NFU1: variants seen among roughly 807,000 people sequenced by gnomAD.
The protein encoded by NFU1 is NFU1 iron-sulfur cluster scaffold.
NFU1 carries 30 observed loss-of-function variants against 32.2 expected under a neutral mutation model. That is an observed-to-expected ratio of 0.93 (90% CI 0.70 to 1.26). The LOEUF is 1.26. Ranked by LOEUF, NFU1 falls within the 50% of genes most tolerant of loss-of-function variation. NFU1 has a pLI of 0.00. For missense variants in NFU1, 306 were observed against 306.6 expected, an observed-to-expected ratio of 1.00 and a Z score of 0.02; for synonymous variants, 112 against 104.6, an observed-to-expected ratio of 1.07 and a Z score of -0.43.
chr2:69,438,782 G>C (rs1459323510), upstream of NFU1, among the ~76,000 whole-genome samples: 1 of 151,994 alleles, frequency 6.6e-6, no homozygotes, highest in African/African-American at 2.4e-5. Flanking sequence ...CCCGCACACT[G>C]AGTGGGCTGT....
Position 69,432,312 on chromosome 2 carries a change from C to T in NFU1, c.63-307G>A, listed in dbSNP as rs192994184. On this transcript the variant is annotated intron_variant, in intron 1 of 7. Transcript: ENST00000410022. ...GAATTGGGCTGGGTGAGGTGGCTCA[C>T]GCCTGTAATCCCAGCATTTTGGGAG... 4.6e-5 allele frequency among the ~76,000 whole-genome samples: 7 copies of T among 152,260 alleles called. No homozygotes were observed. The East Asian group carries it at 5.8e-4, about 13-fold the overall frequency.
chr2:69,418,295 G>T (rs911185718), intron 4 of NFU1, among the ~76,000 whole-genome samples: 1 of 152,152 alleles, frequency 6.6e-6, no homozygotes, highest in Non-Finnish European at 1.5e-5. Flanking sequence ...AGCTACTAGG[G>T]AGGCTGAGGT....
At chr2:69,414,712 A>G (rs1672997325) in intron 5 of NFU1, among the ~76,000 whole-genome samples, 1 of 152,036 alleles carries the variant, frequency 6.6e-6, no homozygotes, top group Admixed American at 6.6e-5. Flanking sequence ...TGTATAGTAT[A>G]AAACAAAACA....
intron 7 of NFU1, among the ~76,000 whole-genome samples, chr2:69,399,934 G>A (rs1476649149): frequency 6.6e-6 from 1 of 151,366 alleles, no homozygotes; most frequent in African/African-American, 2.4e-5. Flanking sequence ...GTGCAATGGC[G>A]CGATCTCGGC....
At chr2:69,396,062 C>A, downstream of NFU1, 3 of 545,512 alleles carry the variant, frequency 5.5e-6, no homozygotes, top group Non-Finnish European at 9.6e-6. Context: ...TCCACGTGTA[C>A]AGAAGATGAT....
At chr2:69,424,152 C>T (rs1401285237) in intron 2 of NFU1, among the ~76,000 whole-genome samples, 7 of 92,812 alleles carry the variant, frequency 7.5e-5, no homozygotes, top group Admixed American at 1.9e-4. Flanking sequence ...AGCCTGGTGA[C>T]AAAGTGAGAC....
chr2:69,438,053 C>CTATT (rs1673918509), upstream of NFU1, among the ~76,000 whole-genome samples: 1 of 152,162 alleles, frequency 6.6e-6, no homozygotes, highest in South Asian at 2.1e-4. Flanking sequence ...AGCCCATTAC[C>CTATT]TATTCTTCCA....
intron 6 of NFU1, among the ~76,000 whole-genome samples, chr2:69,402,623 C>T (rs1436966831): frequency 6.6e-6 from 1 of 151,948 alleles, no homozygotes; most frequent in Non-Finnish European, 1.5e-5. Context: ...CTCTTGTTGC[C>T]CAGGCTGGAG....
chr2:69,433,562 A>G (rs1673723431), intron 1 of NFU1, among the ~76,000 whole-genome samples: 2 of 150,476 alleles, frequency 1.3e-5, no homozygotes, highest in African/African-American at 2.5e-5. Context: ...TGCAACCTCC[A>G]CCTCCTGGGT....
At chr2:69,418,716 A>G (rs111794927) in intron 4 of NFU1, among the ~76,000 whole-genome samples, 32,196 of 151,436 alleles carry the variant, frequency 0.21, 4,019 homozygotes, top group African/African-American at 0.34. Context: ...TGATCTGCCC[A>G]CCTCGGCCTC....
At chr2:69,404,482 CTG>C (rs1208845922) in intron 6 of NFU1, among the ~76,000 whole-genome samples, 1 of 150,738 alleles carries the variant, frequency 6.6e-6, no homozygotes, top group Admixed American at 6.6e-5. Context: ...GAGCAAGACT[CTG>C]TCTCAAAAAA....
At chr2:69,412,328 T>C (rs750119686) in intron 5 of NFU1, among the ~76,000 whole-genome samples, 35 of 151,354 alleles carry the variant, frequency 2.3e-4, no homozygotes, top group Non-Finnish European at 4.3e-4. Flanking sequence ...GGATTACAGG[T>C]GTGAGCCACT....
At chr2:69,438,580 TC>T (rs1320142291), upstream of NFU1, among the ~76,000 whole-genome samples, 1 of 152,110 alleles carries the variant, frequency 6.6e-6, no homozygotes, top group Non-Finnish European at 1.5e-5. Flanking sequence ...AACAAACCCT[TC>T]CCAGGATTCT....
chr2:69,423,321 T>C (rs948728323), intron 3 of NFU1, among the ~76,000 whole-genome samples: 3 of 150,950 alleles, frequency 2.0e-5, no homozygotes, highest in African/African-American at 7.3e-5. Flanking sequence ...AGTCTCTCTA[T>C]GTTGCCCAGG....
chr2:69,400,373 G>A lies in NFU1; in HGVS notation c.711C>T (p.Gly237=), dbSNP rs370305186. 1.5e-5 allele frequency: 24 copies of A among 1,613,464 alleles called. No individual in the cohort carries two copies. The African/African-American group carries it at 1.7e-4, about 12-fold the overall frequency. The change falls in exon 7 of 8, where the codon GGC becomes GGT. Residue 237 remains glycine (G), a synonymous_variant. Transcript: ENST00000410022. ...TATAATATTGGCATACCTGTTCTAC[G>A]CCTTCTACCTCCGGAATATAAAACT... ...MLQFYIPEVE[G]VEQVMDDESD...
Position 69,423,611 on chromosome 2 carries a change from T to A in NFU1, c.273A>T (p.Pro91=). The A allele has an allele frequency of 6.2e-7, 1 of 1,613,698 alleles. No individual in the cohort carries two copies. Among genetic ancestry groups the A allele is most frequent in the Non-Finnish European group, 8.5e-7 (1 of 1,179,868 alleles). Residue 91 remains proline (P), a synonymous_variant, in exon 3 of 8, where the codon CCA becomes CCT. Transcript: ENST00000410022. ...CCAGAGGGGAGCGAAATGCTGCAGC[T>A]GGGGTGGGAAAATCCATGGTCCTTG... ...LETRTMDFPT[P]AAAFRSPLAR...
intron 1 of NFU1, chr2:69,437,129 C>G (rs1252964199): frequency 2.3e-6 from 2 of 877,058 alleles, no homozygotes; most frequent in African/African-American, 3.4e-5. Flanking sequence ...AGAACTGGGT[C>G]TCTGAGCCTG....
chr2:69,416,768 G>A (rs1036284353), intron 4 of NFU1, among the ~76,000 whole-genome samples: 2 of 152,114 alleles, frequency 1.3e-5, no homozygotes, highest in Non-Finnish European at 2.9e-5. Flanking sequence ...CGTGGTTGCA[G>A]AGGCCTGTAA....
intron 7 of NFU1, among the ~76,000 whole-genome samples, chr2:69,400,157 GC>G (rs1465826562): frequency 6.6e-6 from 1 of 152,158 alleles, no homozygotes; most frequent in Non-Finnish European, 1.5e-5. Flanking sequence ...ATAGGTTTGA[GC>G]CACTGCGCCC....
Sources: gnomAD v4.1 joint callset for allele counts (sites outside exome capture counted in the v4.1 genomes callset) on GRCh38, gnomAD v4.1.1 for gene constraint, MANE v1.5 for transcripts, NCBI Gene and HGNC (gene_info 2026-07-23, HGNC 2026-07-21) for gene names.